Variants in SLFN12L observed in about 807,000 individuals in gnomAD.
The protein encoded by SLFN12L is schlafen family member 12-like.
In SLFN12L, 34 loss-of-function variants were observed where a neutral mutation model predicts 34.8. The observed-to-expected ratio is 0.98, with a 90% CI of 0.74 to 1.30. The LOEUF (loss-of-function observed/expected upper bound fraction) is 1.30, where lower values mean the gene tolerates loss of function less well. Among genes scored for constraint, SLFN12L ranks in the 50% most tolerant of loss-of-function variants. The pLI is 0.00. For missense variants in SLFN12L, 703 were observed against 696.2 expected (o/e 1.01, Z -0.11); for synonymous variants, 259 against 247.5 (o/e 1.05, Z -0.44).
At chr17:35,490,509 C>G in intron 2 of SLFN12L, 1 of 886,872 alleles carries the variant, frequency 1.1e-6, no homozygotes, top group Non-Finnish European at 1.9e-6. Context: ...GCATCCATCT[C>G]ATTAAGAAGA....
intron 1 of SLFN12L, among the ~76,000 whole-genome samples, chr17:35,526,254 T>C (rs1449221496): frequency 1.3e-5 from 2 of 152,110 alleles, no homozygotes; most frequent in South Asian, 2.1e-4. Context: ...CACACAGTAA[T>C]AGTGGGAGAC....
At chr17:35,501,643 C>T (rs899769489) in intron 2 of SLFN12L, among the ~76,000 whole-genome samples, 4 of 152,074 alleles carry the variant, frequency 2.6e-5, no homozygotes, top group Admixed American at 6.5e-5. Context: ...AAAGTAAGCC[C>T]ACCACACTAG....
In SLFN12L at chr17:35,522,351, C is replaced by T. The variant is rs1916023696; in HGVS notation, c.14G>A (p.Arg5Lys). The change falls in exon 2 of 5, where the codon AGG becomes AAG. Residue 5 changes from arginine to lysine, a missense_variant. By Grantham distance (26) the Arg-to-Lys change is conservative. Coordinates refer to ENST00000628453, the MANE Select transcript of SLFN12L (RefSeq NM_001363830.2). ...GTGTGCCTCACAGTGAAACACATTC[C>T]TGATCTTCTCCATGATCTTCATGGC... MEKIRNVFHCEAHRI... is the reference protein window; with the variant it reads MEKIKNVFHCEAHRI... The T allele has an allele frequency of 6.2e-7, 1 of 1,614,226 alleles. No individual in the cohort carries two copies. Among genetic ancestry groups the T allele is most frequent in the Non-Finnish European group, 8.5e-7 (1 of 1,180,036 alleles).
chr17:35,510,587 G>A (rs994546770), intron 2 of SLFN12L, among the ~76,000 whole-genome samples: 10 of 152,150 alleles, frequency 6.6e-5, no homozygotes, highest in Admixed American at 1.3e-4. Context: ...ACGTTGCCAG[G>A]GGCTGGACAA....
At chr17:35,493,336 C>T (rs1336756410) in intron 2 of SLFN12L, among the ~76,000 whole-genome samples, 10 of 152,120 alleles carry the variant, frequency 6.6e-5, no homozygotes, top group Admixed American at 6.5e-4. Flanking sequence ...CAAGCTTTCC[C>T]CTATTTCCCA....
Position 35,479,650 on chromosome 17 carries a change from A to G in SLFN12L, c.632T>C (p.Val211Ala), listed in dbSNP as rs777608148. 3.1e-6 allele frequency: 5 copies of G among 1,611,380 alleles called. No individual in the cohort carries two copies. Among genetic ancestry groups the G allele is most frequent in the African/African-American group, 2.7e-5 (2 of 74,868 alleles). ...RPEFPAKRAC[V>A]DVQEESNMEA... ...CATGTTACTTTCTTCTTGTACATCA[A>G]CACAGGCCCTTTTTGCAGGGAATTC... is the stretch of plus-strand genomic sequence containing the variant. Residue 211 changes from valine (V) to alanine (A), a missense_variant, in exon 3 of 5, where the codon GTT (valine) becomes GCT (alanine). Transcript: ENST00000628453.
chr17:35,502,738 ATG>A (rs1915342616), intron 2 of SLFN12L, among the ~76,000 whole-genome samples: 1 of 152,252 alleles, frequency 6.6e-6, no homozygotes. Flanking sequence ...ACAGTGTAAC[ATG>A]TATTATAGTA....
chr17:35,534,362 A>T (rs913518169), intron 1 of SLFN12L, among the ~76,000 whole-genome samples: 3 of 152,198 alleles, frequency 2.0e-5, no homozygotes, highest in African/African-American at 7.2e-5. Context: ...CTCCGTCTCA[A>T]AAAAAACAAA....
intron 1 of SLFN12L, among the ~76,000 whole-genome samples, chr17:35,525,824 A>G (rs1419516180): frequency 6.6e-6 from 1 of 152,226 alleles, no homozygotes; most frequent in Non-Finnish European, 1.5e-5. Flanking sequence ...ACCAGCTAGC[A>G]TCATAGTAAC....
At chr17:35,528,679 T>C (rs2072361749) in intron 1 of SLFN12L, among the ~76,000 whole-genome samples, 1 of 152,152 alleles carries the variant, frequency 6.6e-6, no homozygotes, top group African/African-American at 2.4e-5. Context: ...TTATGCCTTA[T>C]ACAAAAATTA....
intron 2 of SLFN12L, among the ~76,000 whole-genome samples, chr17:35,496,133 A>G (rs1915062491): frequency 6.6e-6 from 1 of 151,972 alleles, no homozygotes; most frequent in Non-Finnish European, 1.5e-5. Flanking sequence ...GTGACCAGTT[A>G]CCAGGGAAAC....
At chr17:35,508,538 C>A (rs375659134) in intron 2 of SLFN12L, among the ~76,000 whole-genome samples, 17 of 152,232 alleles carry the variant, frequency 1.1e-4, no homozygotes, top group African/African-American at 4.1e-4. Context: ...TTAGTAGAGA[C>A]GGGGTTTCAC....
At chr17:35,530,439 GGGAAGAAA>G (rs1160315328) in intron 1 of SLFN12L, among the ~76,000 whole-genome samples, 146 of 10,980 alleles carry the variant, frequency 0.013, 22 homozygotes, top group Middle Eastern at 0.059. Flanking sequence ...GGGAAGGGAA[GGGAAGAAA>G]GAAAGAAAGA....
At chr17:35,478,623 A>G (rs1914143104) in intron 3 of SLFN12L, among the ~76,000 whole-genome samples, 1 of 152,206 alleles carries the variant, frequency 6.6e-6, no homozygotes, top group African/African-American at 2.4e-5. Context: ...CCAAAACCAG[A>G]TAAAATATCA....
intron 2 of SLFN12L, chr17:35,514,910 G>A: frequency 2.4e-6 from 1 of 413,180 alleles, no homozygotes; most frequent in South Asian, 2.0e-5. Flanking sequence ...TCCACACACA[G>A]CACTTGGATT....
At chr17:35,504,943 C>A (rs1915418630) in intron 2 of SLFN12L, among the ~76,000 whole-genome samples, 1 of 152,140 alleles carries the variant, frequency 6.6e-6, no homozygotes, top group Non-Finnish European at 1.5e-5. Context: ...GTTGGCTATC[C>A]CTTTCACCCT....
intron 2 of SLFN12L, among the ~76,000 whole-genome samples, chr17:35,519,884 G>T (rs530230547): frequency 3.3e-5 from 5 of 152,194 alleles, no homozygotes; most frequent in African/African-American, 7.2e-5. Context: ...AACCTTAAAA[G>T]TTGAATTTGC....
intron 2 of SLFN12L, among the ~76,000 whole-genome samples, chr17:35,518,957 A>G (rs1306512104): frequency 1.3e-5 from 2 of 152,252 alleles, no homozygotes; most frequent in Admixed American, 6.5e-5. Context: ...CCAAATGCCC[A>G]TCAATGATAG....
chr17:35,529,502 ATAC>A (rs1434134993), intron 1 of SLFN12L, among the ~76,000 whole-genome samples: 1 of 152,234 alleles, frequency 6.6e-6, no homozygotes, highest in Non-Finnish European at 1.5e-5. Flanking sequence ...ACACCATGGA[ATAC>A]TATGCAGCCA....
Sources: gnomAD v4.1 joint callset for allele counts (sites outside exome capture counted in the v4.1 genomes callset) on GRCh38, gnomAD v4.1.1 for gene constraint, MANE v1.5 for transcripts, NCBI Gene and HGNC (gene_info 2026-07-23, HGNC 2026-07-21) for gene names.